Variants in HYPK observed in about 807,000 individuals in gnomAD.
HYPK encodes huntingtin interacting protein K.
In HYPK, 9 loss-of-function variants were observed where a neutral mutation model predicts 13.9. The observed-to-expected ratio is 0.65, with a 90% CI of 0.39 to 1.13. HYPK has a LOEUF of 1.13. HYPK is among the 50% of genes most tolerant of loss of function. The probability of loss-of-function intolerance (pLI) is 0.01; values close to 1 mark genes in which losing one functional copy is unlikely to be tolerated. For synonymous variants in HYPK, 76 were observed against 57.0 expected (o/e 1.33, Z -1.50); for missense variants, 138 against 157.6 (o/e 0.88, Z 0.67).
Position 43,803,644 on chromosome 15 carries a change from A to T in HYPK, c.*1838A>T, listed in dbSNP as rs985955284. ...ATCTCTACTAAAAGTACAAAAAAAA[A>T]TTAGCTGGGTGTGGTGGTGGACGCC... On this transcript the variant is annotated 3_prime_UTR_variant, in exon 4 of 4. Transcript: ENST00000442995. 5.3e-5 allele frequency among the ~76,000 whole-genome samples: 8 copies of T among 152,024 alleles called. No homozygotes were observed. The highest frequency in any genetic ancestry group is 1.2e-4 in the Non-Finnish European group (8 of 68,016).
At position 43,803,588 on chromosome 15, in the gene HYPK, G is replaced by C. The variant is rs896247704; in HGVS notation, c.*1782G>C. Among the ~76,000 whole-genome samples, 5 of 152,042 alleles carry C rather than the reference G, an allele frequency of 3.3e-5. No individual in the cohort carries two copies. The highest frequency in any genetic ancestry group is 9.7e-5 in the African/African-American group (4 of 41,388). On this transcript the variant is annotated 3_prime_UTR_variant, in exon 4 of 4. Coordinates refer to ENST00000442995, the MANE Select transcript of HYPK (RefSeq NM_016400.4). ...GTGGATCACCTGGGATCAGGAGTTT[G>C]AGACGAGCCTGGCCAAAATGGTGAA... is the stretch of plus-strand genomic sequence containing the variant.
At chr15:43,800,585 G>A (rs1596050649), upstream of HYPK, 2 of 1,613,272 alleles carry the variant, frequency 1.2e-6, no homozygotes. Flanking sequence ...GGAAGTCGGC[G>A]TGAGGTGGGG....
At position 43,804,115 on chromosome 15, in the gene HYPK, C is replaced by A. The variant is rs1021339009; in HGVS notation, c.*2309C>A. On this transcript the variant is annotated 3_prime_UTR_variant, in exon 4 of 4. Transcript: ENST00000442995. ...AACAAACAAACAAACAAAAAAAAAA[C>A]CCTGCAACGGCCCCTGAGTCTGCTG... 3.3e-5 allele frequency among the ~76,000 whole-genome samples: 5 copies of A among 151,710 alleles called. No individual in the cohort carries two copies. The highest frequency in any genetic ancestry group is 5.9e-5 in the Non-Finnish European group (4 of 67,930).
Position 43,801,057 on chromosome 15 carries a change from G to C in HYPK, c.163-75G>C, listed in dbSNP as rs1354124401. The stretch of plus-strand genomic sequence containing the variant: ...GTCATCGTGAATCCATGCATGAACC[G>C]CTTGTTTTGTTGGCCTTTTAGATTA... On this transcript the variant is annotated intron_variant, in intron 1 of 3. Coordinates refer to ENST00000442995, the MANE Select transcript of HYPK (RefSeq NM_016400.4). 4.6e-6 allele frequency: 6 copies of C among 1,315,872 alleles called. No individual in the cohort carries two copies. The African/African-American group carries it at 5.8e-5, about 13-fold the overall frequency. The allele number at this position is 1,315,872 out of a possible 1,614,324, so 81.5% of individuals were successfully genotyped here. A position where few individuals can be genotyped will look rare whatever the true frequency, so the allele number is the denominator to read the frequency against.
In HYPK at chr15:43,801,133, C is replaced by T; in HGVS notation, c.164C>T (p.Ala55Val). The T allele has an allele frequency of 6.2e-7, 1 of 1,613,560 alleles. No homozygotes were observed. Among genetic ancestry groups the T allele is most frequent in the Non-Finnish European group, 8.5e-7 (1 of 1,179,632 alleles). The change falls in exon 2 of 4, where the codon GCC becomes GTC. Residue 55 changes from alanine (A) to valine (V), a missense_variant and splice_region_variant. Coordinates refer to ENST00000442995, the MANE Select transcript of HYPK (RefSeq NM_016400.4). ...TAACTAGACCTGCCTTTCCCATAGGCCATGTCTGTGATTGGAGACAGAAGG... is the reference window on the plus strand; with the variant it reads ...TAACTAGACCTGCCTTTCCCATAGGTCATGTCTGTGATTGGAGACAGAAGG... ...KEIQSSNLET[A>V]MSVIGDRRSR...
rs1289392325 is a variant in HYPK, at chr15:43,803,112, G to T, written c.*1306G>T. The T allele has an allele frequency of 6.6e-6, 1 of 152,218 alleles. No homozygotes were observed. The highest frequency in any genetic ancestry group is 2.4e-5 in the African/African-American group (1 of 41,428). 9.4% of individuals were successfully genotyped at this position (152,218 alleles called of 1,614,324 possible). Reference sequence around the variant, plus strand: ...TAGAAGATATCAAAGGTTGGGCCAGGTGTGGTGACTCATGCCTGTAACCCC... The same window carrying T: ...TAGAAGATATCAAAGGTTGGGCCAGTTGTGGTGACTCATGCCTGTAACCCC... On this transcript the variant is annotated 3_prime_UTR_variant, in exon 4 of 4. Transcript: ENST00000442995.
chr15:43,800,478 C>A (rs777862614), upstream of HYPK: 1 of 1,123,416 alleles, frequency 8.9e-7, no homozygotes, highest in East Asian at 2.6e-5. Context: ...AGAGACGAAC[C>A]GCCTTCCTCC....
rs1189454705 is a variant in HYPK at position 43,800,661 on chromosome 15, T to G, written c.39T>G (p.Thr13=). The change falls in exon 1 of 4, where the codon ACT becomes ACG. Residue 13 remains threonine, a synonymous_variant. Transcript: ENST00000442995. The part of the protein sequence containing the change: ...TEGDVELELE[T]ETSGPERPPE... ...GGGATGTGGAGCTGGAGTTGGAGACTGAGACCAGTGGACCAGAGCGGCCTC... is the reference window on the plus strand; with the variant it reads ...GGGATGTGGAGCTGGAGTTGGAGACGGAGACCAGTGGACCAGAGCGGCCTC... 1 of 1,613,970 alleles carries G rather than the reference T, an allele frequency of 6.2e-7. No individual in the cohort carries two copies. The highest frequency in any genetic ancestry group is 8.5e-7 in the Non-Finnish European group (1 of 1,179,998).
In HYPK at chr15:43,803,010, G is replaced by A. The variant is rs1009667346; in HGVS notation, c.*1204G>A. On this transcript the variant is annotated 3_prime_UTR_variant, in exon 4 of 4. Transcript: ENST00000442995. ...TTGAGACCAGCTTGGGCAACACAGT[G>A]AGATTTCGTCTCTACCGCGCTCCCC... The A allele has an allele frequency of 6.6e-6, 1 of 152,098 alleles. No homozygotes were observed. Among genetic ancestry groups the A allele is most frequent in the Non-Finnish European group, 1.5e-5 (1 of 68,124 alleles). The allele number at this position is 152,098 out of a possible 1,614,324, so 9.4% of individuals were successfully genotyped here.
chr15:43,801,186 CGG>C lies in HYPK; in HGVS notation c.218_218+1del. ...CCGGGAGCAGAAAGCCAAACAGGAG[CGG>C]TAAGTCTTCAGGGGCAGCCAACTTT... On this transcript the variant is annotated splice_donor_variant and coding_sequence_variant, in exon 2 of 4. Coordinates refer to ENST00000442995, the MANE Select transcript of HYPK (RefSeq NM_016400.4). LOFTEE classifies it high-confidence loss of function. 6.2e-7 allele frequency: 1 copy of C among 1,613,482 alleles called. No individual in the cohort carries two copies. The highest frequency in any genetic ancestry group is 8.5e-7 in the Non-Finnish European group (1 of 1,179,484).
intron 1 of HYPK, 48 bp from the exon 2 acceptor site, chr15:43,801,084 T>C: frequency 6.6e-7 from 1 of 1,516,974 alleles, no homozygotes; most frequent in East Asian, 2.3e-5. Flanking sequence ...TTTAGATTAT[T>C]GGGAATTGTG....
Position 43,801,932 on chromosome 15 carries a change from T to C in HYPK, c.*126T>C. The C allele has an allele frequency of 1.4e-6, 1 of 734,226 alleles. No homozygotes were observed. The highest frequency in any genetic ancestry group is 2.6e-5 in the Admixed American group (1 of 38,038). 45.5% of individuals were successfully genotyped at this position (734,226 alleles called of 1,614,324 possible). On this transcript the variant is annotated 3_prime_UTR_variant, in exon 4 of 4. Coordinates refer to ENST00000442995, the MANE Select transcript of HYPK (RefSeq NM_016400.4). Reference sequence around the variant, plus strand: ...TATATCCTATGTTGTGGAGAATTTATATGTTGGAGACTAACTGAATTTAAG... The same window carrying C: ...TATATCCTATGTTGTGGAGAATTTACATGTTGGAGACTAACTGAATTTAAG...
rs527653237 is a variant in HYPK at position 43,804,023 on chromosome 15, C to A, written c.*2217C>A. ...AAAATTAGCCAGGCATGGTGGCAGG[C>A]GCCTGTAGTCCCAGCTACTCGGGAG... On this transcript the variant is annotated 3_prime_UTR_variant, in exon 4 of 4. Coordinates refer to ENST00000442995, the MANE Select transcript of HYPK (RefSeq NM_016400.4). 2.0e-5 allele frequency among the ~76,000 whole-genome samples: 3 copies of A among 151,686 alleles called. No individual in the cohort carries two copies. Among genetic ancestry groups the A allele is most frequent in the Non-Finnish European group, 2.9e-5 (2 of 67,936 alleles).
rs1051379615 is a variant in HYPK, at chr15:43,803,434, T to G, written c.*1628T>G. 6.6e-6 allele frequency among the ~76,000 whole-genome samples: 1 copy of G among 151,916 alleles called. No homozygotes were observed. The highest frequency in any genetic ancestry group is 2.4e-5 in the African/African-American group (1 of 41,328). On this transcript the variant is annotated 3_prime_UTR_variant, in exon 4 of 4. Transcript: ENST00000442995. ...GAAAGGTTTTGATTGGTATTCAAAT[T>G]CTAAGCCATAATACATTCTACATGC... is the stretch of plus-strand genomic sequence containing the variant.
intron 1 of HYPK, 142 bp from the exon 2 acceptor site, chr15:43,800,990 T>A: frequency 1.2e-6 from 1 of 857,436 alleles, no homozygotes; most frequent in Non-Finnish European, 1.9e-6. Flanking sequence ...CTCAGGTGCA[T>A]AGAATGGAAT....
Position 43,801,696 on chromosome 15 carries a change from G to T in HYPK, c.271-15G>T. The stretch of plus-strand genomic sequence containing the variant: ...TAATGCCTGGGAACCTATGTAACAT[G>T]ATTTTTTTCTGCAGATGACTGAGAT... On this transcript the variant is annotated splice_polypyrimidine_tract_variant and intron_variant, in intron 3 of 3. Coordinates refer to ENST00000442995, the MANE Select transcript of HYPK (RefSeq NM_016400.4). The T allele has an allele frequency of 6.2e-7, 1 of 1,614,036 alleles. No individual in the cohort carries two copies. Among genetic ancestry groups the T allele is most frequent in the Non-Finnish European group, 8.5e-7 (1 of 1,179,914 alleles).
At chr15:43,801,373 G>C (rs2087313279) in intron 2 of HYPK, 145 bp from the exon 3 acceptor site, 1 of 856,996 alleles carries the variant, frequency 1.2e-6, no homozygotes, top group Admixed American at 2.5e-5. Flanking sequence ...CAAGACTCCA[G>C]GGGAAAGGAG....
chr15:43,800,686 C>T lies in HYPK; in HGVS notation c.64C>T (p.Pro22Ser), dbSNP rs1381174479. 2 of 1,614,054 alleles carry T rather than the reference C, an allele frequency of 1.2e-6. No homozygotes were observed. Among genetic ancestry groups the T allele is most frequent in the Non-Finnish European group, 8.5e-7 (1 of 1,180,026 alleles). ...ETETSGPERP[P>S]EKPRKHDSGA... is the part of the protein sequence containing the mutation. ...TGAGACCAGTGGACCAGAGCGGCCT[C>T]CGGAGAAGCCACGGAAACATGACAG... Residue 22 changes from proline (P) to serine (S), a missense_variant, in exon 1 of 4, where the codon CCG becomes TCG. Around this residue, in one of 3 missense-constraint regions of HYPK, gnomAD observed 43 missense variants for 30.4 expected, o/e 1.41. Coordinates refer to ENST00000442995, the MANE Select transcript of HYPK (RefSeq NM_016400.4).
intron 2 of HYPK, 154 bp downstream of exon 2, chr15:43,801,341 G>C: frequency 1.2e-6 from 1 of 846,340 alleles, no homozygotes; most frequent in South Asian, 1.6e-5. Context: ...TTAGCAGAAG[G>C]CCTCCTGGCA....
Sources: gnomAD v4.1 joint callset for allele counts (sites outside exome capture counted in the v4.1 genomes callset) on GRCh38, gnomAD v4.1.1 for gene constraint, gnomAD v4.1.1 regional missense constraint, MANE v1.5 for transcripts, NCBI Gene and HGNC (gene_info 2026-07-23, HGNC 2026-07-21) for gene names.